The following DPP6 variants were observed in gnomAD, a reference collection of about 807,000 sequenced individuals.
DPP6 encodes dipeptidyl peptidase like 6, also known as A-type potassium channel modulatory protein DPP6.
A neutral mutation model predicts 122.6 loss-of-function variants in DPP6; 69 were observed. That is an observed-to-expected ratio of 0.56 (90% CI 0.46 to 0.69). DPP6 has a LOEUF of 0.69. DPP6 is among the 30% of genes least tolerant of loss of function. DPP6 has a pLI of 0.00. For missense variants in DPP6, 928 were observed against 1,116.9 expected, an observed-to-expected ratio of 0.83 and a Z score of 2.41; for synonymous variants, 418 against 433.1, an observed-to-expected ratio of 0.97 and a Z score of 0.43.
chr7:154,587,630 G>T (rs1178976925), intron 5 of DPP6: 4 of 1,533,744 alleles, frequency 2.6e-6, no homozygotes, highest in South Asian at 1.2e-5. Flanking sequence ...AAATGATTCT[G>T]CCCATCTCCC....
the DPP6 span, among the ~76,000 whole-genome samples, chr7:153,867,796 A>T: frequency 2.0e-5 from 3 of 152,154 alleles, no homozygotes; most frequent in East Asian, 1.9e-4. Flanking sequence ...TTTGACATAG[A>T]TAGCTCTTAT....
At chr7:154,021,740 TG>T (rs1023946800) in intron 1 of DPP6, among the ~76,000 whole-genome samples, 1 of 152,164 alleles carries the variant, frequency 6.6e-6, no homozygotes, top group Non-Finnish European at 1.5e-5. Context: ...CGTGGATATG[TG>T]AAGTGCTGTG....
rs371344499 is a variant in DPP6, at chr7:154,090,929, G to A, written c.243+37866G>A. Among the ~76,000 whole-genome samples the A allele has an allele frequency of 7.8e-4, 117 of 149,198 alleles. No homozygotes were observed. The East Asian group carries it at 0.021, about 27-fold the overall frequency. On this transcript the variant is annotated intron_variant, in intron 1 of 25. Transcript: ENST00000377770. ...AAGTCAGGAGATCGAGACCATCCTG[G>A]CTAACACAGTGAAACCCCGTCTCTA...
intron 10 of DPP6, among the ~76,000 whole-genome samples, chr7:154,792,112 T>A (rs1442531454): frequency 2.0e-5 from 3 of 152,214 alleles, no homozygotes; most frequent in African/African-American, 4.8e-5. Flanking sequence ...GAAAAAATAG[T>A]CATTCCGGGA....
chr7:154,236,044 G>T (rs1425283283), intron 1 of DPP6, among the ~76,000 whole-genome samples: 2 of 152,024 alleles, frequency 1.3e-5, no homozygotes, highest in Admixed American at 1.3e-4. Flanking sequence ...ATAAAGATGG[G>T]GTTTCACCAT....
intron 8 of DPP6, among the ~76,000 whole-genome samples, chr7:154,759,450 C>A (rs560860791): frequency 3.3e-5 from 5 of 152,200 alleles, no homozygotes; most frequent in Non-Finnish European, 7.3e-5. Context: ...CAAGGGGCAG[C>A]GGCAATAGGA....
At chr7:154,734,145 T>C (rs1185840244) in intron 8 of DPP6, among the ~76,000 whole-genome samples, 1 of 152,258 alleles carries the variant, frequency 6.6e-6, no homozygotes, top group Non-Finnish European at 1.5e-5. Context: ...TAGACATTAA[T>C]GACACTTATG....
At chr7:153,985,237 G>A (rs1796782435) in intron 1 of DPP6, among the ~76,000 whole-genome samples, 2 of 152,206 alleles carry the variant, frequency 1.3e-5, no homozygotes, top group African/African-American at 4.8e-5. Flanking sequence ...GGAGAGGTGA[G>A]ACACTTTGAA....
the DPP6 span, among the ~76,000 whole-genome samples, chr7:153,765,794 C>T: frequency 1.3e-5 from 2 of 152,148 alleles, no homozygotes; most frequent in Non-Finnish European, 2.9e-5. Context: ...CTTTACACAC[C>T]GTACTGCAAT....
chr7:154,727,737 A>G (rs1195742531), intron 7 of DPP6, 30 bp from the exon 8 acceptor site: 2 of 1,584,068 alleles, frequency 1.3e-6, no homozygotes, highest in Admixed American at 3.6e-5. Flanking sequence ...TCCTTGCTTA[A>G]TATTATGCTT....
chr7:153,958,841 G>GCT (rs1304792592), intron 1 of DPP6, among the ~76,000 whole-genome samples: 4 of 151,792 alleles, frequency 2.6e-5, no homozygotes, highest in African/African-American at 9.7e-5. Context: ...CAGGGCCTCA[G>GCT]CTCAGCACCT....
At chr7:154,266,472 G>A (rs908892416) in intron 1 of DPP6, among the ~76,000 whole-genome samples, 48 of 152,238 alleles carry the variant, frequency 3.2e-4, no homozygotes, top group African/African-American at 1.1e-3. Context: ...CCAGCTACTC[G>A]GGAAGCTGAG....
chr7:154,015,000 G>C (rs1385518634), intron 1 of DPP6, among the ~76,000 whole-genome samples: 1 of 152,102 alleles, frequency 6.6e-6, no homozygotes, highest in Non-Finnish European at 1.5e-5. Flanking sequence ...GGCACTTGAA[G>C]TTCATTAAAT....
the DPP6 span, among the ~76,000 whole-genome samples, chr7:153,786,944 T>A: frequency 6.9e-6 from 1 of 144,760 alleles, no homozygotes; most frequent in East Asian, 2.0e-4. Context: ...AAGATTTCCT[T>A]TTTTTTGTTT....
At chr7:154,186,657 A>G (rs1798368580) in intron 1 of DPP6, among the ~76,000 whole-genome samples, 1 of 152,254 alleles carries the variant, frequency 6.6e-6, no homozygotes, top group Non-Finnish European at 1.5e-5. Flanking sequence ...GCAGACACCC[A>G]GGGTTTCACT....
At position 153,901,679 on chromosome 7, in the gene DPP6, G is replaced by T. The variant is rs536297149; in HGVS notation, c.51+13945G>T. 1.4e-4 allele frequency among the ~76,000 whole-genome samples: 22 copies of T among 152,350 alleles called. No homozygotes were observed. The South Asian group carries it at 4.6e-3, about 32-fold the overall frequency. On this transcript the variant is annotated intron_variant, in intron 1 of 25. Coordinates refer to the DPP6 transcript ENST00000404039. ...ATAGGGTTATACCCTCAGGTGGGATGACAGAAGACAGACCCTCGTTGTTTC... is the reference window on the plus strand; with the variant it reads ...ATAGGGTTATACCCTCAGGTGGGATTACAGAAGACAGACCCTCGTTGTTTC...
At chr7:153,849,282 T>C in the DPP6 span, among the ~76,000 whole-genome samples, 5 of 152,064 alleles carry the variant, frequency 3.3e-5, no homozygotes, top group African/African-American at 1.2e-4. Context: ...TTTCTTTTTT[T>C]TTTTTTGAAT....
intron 1 of DPP6, among the ~76,000 whole-genome samples, chr7:154,317,831 A>C (rs1807566868): frequency 6.6e-6 from 1 of 152,252 alleles, no homozygotes; most frequent in Admixed American, 6.5e-5. Context: ...TGAGAAAATT[A>C]TACTTAAAGG....
rs534986117 is a variant in DPP6 at position 153,965,320 on chromosome 7, C to T, written c.51+77586C>T. ...ATCTGCCTGTCAGCTGCATCTACTA[C>T]TTGAATGTTTGGTTATTTCTCCAGC... On this transcript the variant is annotated intron_variant, in intron 1 of 25. Coordinates refer to the DPP6 transcript ENST00000404039. 5.0e-3 allele frequency among the ~76,000 whole-genome samples: 755 copies of T among 151,884 alleles called. 7 individuals are homozygous for T. Among genetic ancestry groups the T allele is most frequent in the African/African-American group, 4.3e-3 (178 of 41,338 alleles).
Sources: gnomAD v4.1 joint callset for allele counts (sites outside exome capture counted in the v4.1 genomes callset) on GRCh38, gnomAD v4.1.1 for gene constraint, MANE v1.5 for transcripts, NCBI Gene and HGNC (gene_info 2026-07-23, HGNC 2026-07-21) for gene names.